The following TBC1D31 variants were observed in gnomAD, a reference collection of about 807,000 sequenced individuals.
TBC1D31 encodes the protein TBC1 domain family member 31, also known as WD repeat domain 67.
Under a neutral mutation model 132.9 loss-of-function variants are expected in TBC1D31, and 99 were observed. The ratio of observed to expected loss-of-function variants is 0.74; its 90% CI spans 0.63 to 0.88. TBC1D31 has a LOEUF of 0.88. TBC1D31 is among the 40% of genes least tolerant of loss of function. TBC1D31 has a pLI of 0.00. For synonymous variants in TBC1D31, 385 were observed against 419.4 expected, an observed-to-expected ratio of 0.92 and a Z score of 1.00; for missense variants, 1,134 against 1,256.6, an observed-to-expected ratio of 0.90 and a Z score of 1.48.
Position 123,129,655 on chromosome 8 carries a change from A to G in TBC1D31, c.2270+437A>G, listed in dbSNP as rs568792654. On this transcript the variant is annotated intron_variant, in intron 15 of 21. Transcript: ENST00000287380. ...CATTTAACACTTTGGAGGACAGGGG[A>G]ATGAGTATTAAATGCGTATTCAAAA... Among the ~76,000 whole-genome samples, 171 of 152,264 alleles carry G rather than the reference A, an allele frequency of 1.1e-3. 2 individuals carry two copies. Among genetic ancestry groups the G allele is most frequent in the African/African-American group, 3.9e-3 (164 of 41,550 alleles).
chr8:123,089,443 G>C (rs540944335), intron 4 of TBC1D31, among the ~76,000 whole-genome samples: 201 of 152,250 alleles, frequency 1.3e-3, no homozygotes, highest in African/African-American at 4.7e-3. Context: ...CTGTAGGGTG[G>C]CAGGCACATG....
At chr8:123,140,009 C>T (rs866433560) in intron 17 of TBC1D31, among the ~76,000 whole-genome samples, 6 of 152,106 alleles carry the variant, frequency 3.9e-5, no homozygotes, top group African/African-American at 1.4e-4. Context: ...GAAGGATCTC[C>T]GTCCAACCCC....
chr8:123,097,738 A>C (rs957567518), intron 6 of TBC1D31: 3 of 207,610 alleles, frequency 1.4e-5, no homozygotes, highest in Non-Finnish European at 2.9e-5. Flanking sequence ...ATTCTTTGGC[A>C]TAGGCAGGAA....
intron 1 of TBC1D31, among the ~76,000 whole-genome samples, chr8:123,074,318 C>CCGACAAATCAGTTTT (rs1211915268): frequency 6.6e-6 from 1 of 152,216 alleles, no homozygotes; most frequent in African/African-American, 2.4e-5. Context: ...CCGCGCCTGG[C>CCGACAAATCAGTTTT]CGACAAATCA....
Position 123,084,233 on chromosome 8 carries a change from G to A in TBC1D31, c.412G>A (p.Gly138Arg). 3 of 1,614,150 alleles carry A rather than the reference G, an allele frequency of 1.9e-6. No individual in the cohort carries two copies. The highest frequency in any genetic ancestry group is 2.5e-6 in the Non-Finnish European group (3 of 1,180,022). Reference sequence around the variant, plus strand: ...ATTTTCGATCTCTGTGCATGCATCAGGGAAATATGCCATCACAACTTCTTC... The same window carrying A: ...ATTTTCGATCTCTGTGCATGCATCAAGGAAATATGCCATCACAACTTCTTC... ...SVFSISVHASGKYAITTSSDT... is the reference protein window; with the variant it reads ...SVFSISVHASRKYAITTSSDT... The change falls in exon 4 of 22, where the codon GGG becomes AGG. Residue 138 changes from glycine (G) to arginine (R), a missense_variant. Physicochemically the swap from Gly to Arg is moderately radical, Grantham distance 125. Transcript: ENST00000287380.
At chr8:123,107,933 G>A (rs1369487067) in intron 8 of TBC1D31, among the ~76,000 whole-genome samples, 3 of 152,142 alleles carry the variant, frequency 2.0e-5, no homozygotes, top group East Asian at 1.9e-4. Context: ...ACTCCCCAGG[G>A]CATCTTTTTC....
chr8:123,102,253 G>C (rs1374566214), intron 7 of TBC1D31: 2 of 456,590 alleles, frequency 4.4e-6, no homozygotes, highest in Non-Finnish European at 8.8e-6. Context: ...ACAGGAAGAA[G>C]TTCGTGCTCA....
intron 2 of TBC1D31, 21 bp downstream of exon 2, chr8:123,077,278 T>C: frequency 6.3e-7 from 1 of 1,576,960 alleles, no homozygotes. Context: ...ACCATTGATA[T>C]CTACGTTCTT....
intron 6 of TBC1D31, among the ~76,000 whole-genome samples, chr8:123,098,088 T>C (rs1490866459): frequency 6.6e-6 from 1 of 152,202 alleles, no homozygotes; most frequent in Admixed American, 6.5e-5. Flanking sequence ...TGTATACATA[T>C]GCATGTATGT....
At position 123,130,270 on chromosome 8, in the gene TBC1D31, G is replaced by A. The variant is rs779081914; in HGVS notation, c.2343G>A (p.Leu781=). 6.2e-7 allele frequency: 1 copy of A among 1,612,902 alleles called. No individual in the cohort carries two copies. Among genetic ancestry groups the A allele is most frequent in the Non-Finnish European group, 8.5e-7 (1 of 1,179,362 alleles). Residue 781 remains leucine, a synonymous_variant, in exon 16 of 22, where the codon CTG becomes CTA. Transcript: ENST00000287380. ...AAGATGCTGCAAGAAGGCGTTTTCT[G>A]AAGCTTCAGCAAGATCAACAGGAAA... ...HLQDAARRRF[L]KLQQDQQEME...
At chr8:123,159,792 CAA>C in the TBC1D31 span, among the ~76,000 whole-genome samples, 80 of 144,890 alleles carry the variant, frequency 5.5e-4, no homozygotes, top group Admixed American at 6.9e-4. Flanking sequence ...AACTCCGTCT[CAA>C]AAAAAAAAAA....
rs142354114 is a variant in TBC1D31, at chr8:123,097,137, A to G, written c.672-145A>G. 747 of 683,308 alleles carry G rather than the reference A, an allele frequency of 1.1e-3. 2 individuals are homozygous for G. In the African/African-American group the frequency reaches 0.011, roughly 10 times the overall value. The allele number at this position is 683,308 out of a possible 1,614,324, so 42.3% of individuals were successfully genotyped here. A position where few individuals can be genotyped will look rare whatever the true frequency, so the allele number is the denominator to read the frequency against. The stretch of plus-strand genomic sequence containing the variant: ...CCTTATTAACATTAGCCACATTTCA[A>G]GTGCTCAATAATCACATGGGACTAG... On this transcript the variant is annotated intron_variant, in intron 5 of 21. Transcript: ENST00000287380.
At chr8:123,082,645 A>G (rs1357285146) in intron 2 of TBC1D31, 57 bp from the exon 3 acceptor site, 1 of 1,288,852 alleles carries the variant, frequency 7.8e-7, no homozygotes, top group Non-Finnish European at 1.1e-6. Context: ...CTCCTTCCAC[A>G]TGGAATTTGT....
At chr8:123,118,755 C>A (rs1364787982) in intron 10 of TBC1D31, among the ~76,000 whole-genome samples, 3 of 151,968 alleles carry the variant, frequency 2.0e-5, no homozygotes, top group Admixed American at 6.6e-5. Flanking sequence ...GTTTTAGAGA[C>A]AGGATCTTGC....
rs1356193489 is a variant in TBC1D31 at position 123,140,814 on chromosome 8, T to A, written c.2553T>A (p.Asp851Glu). 3.1e-6 allele frequency: 5 copies of A among 1,613,392 alleles called. No individual in the cohort carries two copies. Among genetic ancestry groups the A allele is most frequent in the Middle Eastern group, 1.7e-4 (1 of 6,058 alleles). ...CAAAAGAAATGCGAGCAGATGCAGA[T>A]GCCTATAGACGAAAAGTGGATCTTG... ...ALAKEMRADA[D>E]AYRRKVDLEE... Residue 851 changes from aspartate (D) to glutamate (E), a missense_variant, in exon 18 of 22, where the codon GAT (aspartate) becomes GAA (glutamate). Physicochemically the swap from Asp to Glu is conservative, Grantham distance 45. Transcript: ENST00000287380.
chr8:123,147,678 A>T (rs1023968366), intron 20 of TBC1D31, among the ~76,000 whole-genome samples: 7 of 152,080 alleles, frequency 4.6e-5, no homozygotes, highest in Admixed American at 1.3e-4. Flanking sequence ...GCTGAATTTC[A>T]CCAATAGAGA....
chr8:123,125,359 A>G (rs1051262947), intron 11 of TBC1D31, among the ~76,000 whole-genome samples: 4 of 152,184 alleles, frequency 2.6e-5, no homozygotes, highest in African/African-American at 7.2e-5. Context: ...TCTACTTTGG[A>G]CTAACTGACT....
At chr8:123,077,533 A>ATTT (rs33948089) in intron 2 of TBC1D31, among the ~76,000 whole-genome samples, 39,862 of 143,338 alleles carry the variant, frequency 0.28, 5,770 homozygotes, top group Non-Finnish European at 0.31. Context: ...ATTATTGCTA[A>ATTT]TTTTTTTTTT....
chr8:123,162,017 CAA>C, the TBC1D31 span, among the ~76,000 whole-genome samples: 1,256 of 76,092 alleles, frequency 0.017, 5 homozygotes, highest in Non-Finnish European at 0.023. Flanking sequence ...GAGTCCGACT[CAA>C]AAAAAAAAAA....
Sources: gnomAD v4.1 joint callset for allele counts (sites outside exome capture counted in the v4.1 genomes callset) on GRCh38, gnomAD v4.1.1 for gene constraint, MANE v1.5 for transcripts, NCBI Gene and HGNC (gene_info 2026-07-23, HGNC 2026-07-21) for gene names.